CTNNA2: variants seen among roughly 807,000 people sequenced by gnomAD.
CTNNA2 encodes catenin alpha 2.
CTNNA2 carries 42 observed loss-of-function variants against 101.0 expected under a neutral mutation model. The observed-to-expected ratio is 0.42, with a 90% CI of 0.32 to 0.54. The LOEUF is 0.54. Ranked by LOEUF, CTNNA2 falls within the 20% of genes least tolerant of loss-of-function variation. The pLI, the probability that CTNNA2 is intolerant of heterozygous loss-of-function variation, is 0.14. For synonymous variants in CTNNA2, 450 were observed against 456.4 expected (o/e 0.99, Z 0.18); for missense variants, 871 against 1,223.1 (o/e 0.71, Z 4.29).
At chr2:80,270,029 T>C (rs1197832125) in intron 7 of CTNNA2, among the ~76,000 whole-genome samples, 1 of 151,852 alleles carries the variant, frequency 6.6e-6, no homozygotes, top group Non-Finnish European at 1.5e-5. Context: ...AAACCAGGAG[T>C]TGTAAAACTG....
chr2:79,917,215 G>T (rs1403040807), intron 7 of CTNNA2, among the ~76,000 whole-genome samples: 1 of 151,984 alleles, frequency 6.6e-6, no homozygotes, highest in Non-Finnish European at 1.5e-5. Flanking sequence ...GGGACTACAG[G>T]TGCCTGCCAC....
At chr2:79,406,121 C>T (rs1302105207) in intron 4 of CTNNA2, among the ~76,000 whole-genome samples, 8 of 152,038 alleles carry the variant, frequency 5.3e-5, no homozygotes, top group Admixed American at 5.3e-4. Flanking sequence ...CAAACTAGAA[C>T]TGACAAAGGC....
chr2:79,675,573 A>T (rs903131584), intron 2 of CTNNA2, among the ~76,000 whole-genome samples: 2 of 152,148 alleles, frequency 1.3e-5, no homozygotes, highest in Non-Finnish European at 2.9e-5. Flanking sequence ...AACTACATAA[A>T]ATTTTATTTT....
At chr2:79,570,074 G>A (rs760245656) in intron 1 of CTNNA2, among the ~76,000 whole-genome samples, 3 of 152,100 alleles carry the variant, frequency 2.0e-5, no homozygotes, top group Non-Finnish European at 1.5e-5. Context: ...CTTCAATGTG[G>A]TGAATAAATT....
intron 2 of CTNNA2, among the ~76,000 whole-genome samples, chr2:79,672,364 A>G (rs1302281062): frequency 1.3e-5 from 2 of 152,236 alleles, no homozygotes; most frequent in African/African-American, 4.8e-5. Flanking sequence ...CACGAACATT[A>G]AAGCAAATTT....
At chr2:79,415,663 A>T (rs932287219) in intron 4 of CTNNA2, among the ~76,000 whole-genome samples, 3 of 152,092 alleles carry the variant, frequency 2.0e-5, no homozygotes, top group Non-Finnish European at 4.4e-5. Context: ...CTTCTTATTG[A>T]AGAAATCCTT....
chr2:80,276,206 C>A (rs1369150245), intron 7 of CTNNA2, among the ~76,000 whole-genome samples: 1 of 152,136 alleles, frequency 6.6e-6, no homozygotes, highest in Non-Finnish European at 1.5e-5. Context: ...TTCCACAATT[C>A]AGAACTATTG....
intron 1 of CTNNA2, among the ~76,000 whole-genome samples, chr2:79,642,721 CCAGG>C (rs897155959): frequency 1.2e-4 from 18 of 151,996 alleles, no homozygotes; most frequent in Admixed American, 1.0e-3. Context: ...CTGGTGGGAG[CCAGG>C]ATGCCTTTTA....
intron 2 of CTNNA2, among the ~76,000 whole-genome samples, chr2:79,246,689 G>C (rs1314225237): frequency 1.3e-5 from 2 of 152,206 alleles, no homozygotes; most frequent in Non-Finnish European, 2.9e-5. Flanking sequence ...CTGTTGGTTT[G>C]ATTTTATAAA....
intron 7 of CTNNA2, among the ~76,000 whole-genome samples, chr2:80,068,025 A>G (rs1191023551): frequency 6.6e-6 from 1 of 152,240 alleles, no homozygotes; most frequent in Non-Finnish European, 1.5e-5. Context: ...ACTATGAGAG[A>G]TAGTAAACAT....
intron 7 of CTNNA2, among the ~76,000 whole-genome samples, chr2:80,387,939 A>G (rs1042860861): frequency 1.3e-5 from 2 of 152,304 alleles, no homozygotes; most frequent in South Asian, 4.1e-4. Context: ...TCGTTTTTTA[A>G]TAACGATATT....
At chr2:80,269,738 A>G (rs1448775050) in intron 7 of CTNNA2, among the ~76,000 whole-genome samples, 2 of 152,204 alleles carry the variant, frequency 1.3e-5, no homozygotes. Flanking sequence ...AATTCTGAGT[A>G]CTATTTTCCA....
At chr2:79,953,608 G>A (rs1469522277) in intron 7 of CTNNA2, among the ~76,000 whole-genome samples, 3 of 152,176 alleles carry the variant, frequency 2.0e-5, no homozygotes, top group African/African-American at 4.8e-5. Context: ...ACAGACAGGC[G>A]ATTATTGGGT....
intron 9 of CTNNA2, among the ~76,000 whole-genome samples, chr2:80,505,810 C>T (rs1287443293): frequency 6.6e-6 from 1 of 152,180 alleles, no homozygotes; most frequent in Non-Finnish European, 1.5e-5. Flanking sequence ...TTTCCAGGTG[C>T]TTGCTTTCTT....
chr2:79,874,047 G>A (rs1187445762), intron 5 of CTNNA2, 29 bp from the exon 6 acceptor site: 1 of 1,610,068 alleles, frequency 6.2e-7, no homozygotes, highest in African/African-American at 1.3e-5. Context: ...TTTCATGTGT[G>A]TGACAGCTTT....
chr2:80,570,306 C>T (rs1694470132), intron 12 of CTNNA2, among the ~76,000 whole-genome samples: 1 of 152,220 alleles, frequency 6.6e-6, no homozygotes, highest in South Asian at 2.1e-4. Context: ...ACCTTGGCTT[C>T]CCAAAGTGCT....
chr2:80,089,029 T>G (rs1160301910), intron 7 of CTNNA2, among the ~76,000 whole-genome samples: 1 of 151,932 alleles, frequency 6.6e-6, no homozygotes, highest in Non-Finnish European at 1.5e-5. Context: ...GTGTTTCCCA[T>G]CCTGATTACA....
intron 4 of CTNNA2, among the ~76,000 whole-genome samples, chr2:79,470,274 G>A (rs1357606342): frequency 3.3e-5 from 5 of 152,106 alleles, no homozygotes; most frequent in South Asian, 2.1e-4. Flanking sequence ...AGGCTTAGGC[G>A]GGAGGAGCAT....
intron 7 of CTNNA2, among the ~76,000 whole-genome samples, chr2:80,211,852 G>A (rs1347222907): frequency 2.0e-5 from 3 of 151,060 alleles, no homozygotes; most frequent in East Asian, 1.9e-4. Context: ...ACCCATAAGC[G>A]TGGAATGTTC....
Sources: gnomAD v4.1 joint callset for allele counts (sites outside exome capture counted in the v4.1 genomes callset) on GRCh38, gnomAD v4.1.1 for gene constraint, MANE v1.5 for transcripts, NCBI Gene and HGNC (gene_info 2026-07-23, HGNC 2026-07-21) for gene names.